DAP: variants seen among roughly 807,000 people sequenced by gnomAD.
DAP encodes death-associated protein 1.
A neutral mutation model predicts 13.8 loss-of-function variants in DAP; 8 were observed. The observed-to-expected ratio is 0.58, with a 90% confidence interval of 0.34 to 1.05. The LOEUF (loss-of-function observed/expected upper bound fraction) is 1.05, where lower values mean the gene tolerates loss of function less well. Ranked by LOEUF, DAP falls within the 50% of genes least tolerant of loss-of-function variation. DAP has a pLI of 0.03. For synonymous variants in DAP, 47 were observed against 47.5 expected (o/e 0.99, Z 0.04); for missense variants, 106 against 133.2 (o/e 0.80, Z 1.01).
In DAP at chr5:10,680,713, G is replaced by A. The variant is rs776310470; in HGVS notation, c.*343C>T. On this transcript the variant is annotated 3_prime_UTR_variant, in exon 4 of 4. Transcript: ENST00000230895. ...TAACCTTAATCTCATCTTCTCAAATGTGTGCCTTCTTGTTTTTAAGACCAT... is the reference window on the plus strand; with the variant it reads ...TAACCTTAATCTCATCTTCTCAAATATGTGCCTTCTTGTTTTTAAGACCAT... 9.0e-4 allele frequency: 1,374 copies of A among 1,532,870 alleles called. 2 individuals carry two copies. Among genetic ancestry groups the A allele is most frequent in the Non-Finnish European group, 1.1e-3 (1,270 of 1,144,306 alleles). 95.0% of individuals were successfully genotyped at this position (1,532,870 alleles called of 1,614,324 possible).
chr5:10,689,880 T>G (rs557802890), intron 2 of DAP, among the ~76,000 whole-genome samples: 2 of 152,132 alleles, frequency 1.3e-5, no homozygotes, highest in African/African-American at 2.4e-5. Context: ...GGACAGGGAA[T>G]GTCACTCAGT....
intron 2 of DAP, among the ~76,000 whole-genome samples, chr5:10,732,028 AC>A (rs1200782758): frequency 6.6e-6 from 1 of 152,086 alleles, no homozygotes; most frequent in Non-Finnish European, 1.5e-5. Flanking sequence ...TCTCTCCCCA[AC>A]CCTGAAGAGT....
chr5:10,689,268 C>T (rs892572089), intron 2 of DAP, among the ~76,000 whole-genome samples: 3 of 152,004 alleles, frequency 2.0e-5, no homozygotes, highest in African/African-American at 7.3e-5. Flanking sequence ...ACATTTAGCA[C>T]CTCACTCCCA....
chr5:10,722,603 TACATATATAC>T (rs1389701944), intron 2 of DAP, among the ~76,000 whole-genome samples: 21 of 149,048 alleles, frequency 1.4e-4, no homozygotes, highest in East Asian at 9.7e-4. Flanking sequence ...TACATATATA[TACATATATAC>T]ACATATATAC....
At chr5:10,711,914 G>A (rs1274227034) in intron 2 of DAP, among the ~76,000 whole-genome samples, 1 of 152,196 alleles carries the variant, frequency 6.6e-6, no homozygotes, top group Non-Finnish European at 1.5e-5. Context: ...GGAAGGACTT[G>A]AGGCAGGCAA....
At chr5:10,731,234 G>C (rs1335319313) in intron 2 of DAP, among the ~76,000 whole-genome samples, 2 of 148,016 alleles carry the variant, frequency 1.4e-5, no homozygotes, top group African/African-American at 5.0e-5. Flanking sequence ...CCCTAGTGGG[G>C]GGGAATCTTT....
At chr5:10,683,889 C>G (rs530977005) in intron 2 of DAP, among the ~76,000 whole-genome samples, 1 of 152,154 alleles carries the variant, frequency 6.6e-6, no homozygotes, top group Non-Finnish European at 1.5e-5. Context: ...TGCAGAGGCA[C>G]GATCATAGCT....
intron 2 of DAP, among the ~76,000 whole-genome samples, chr5:10,743,678 C>CA (rs1739825501): frequency 2.0e-5 from 3 of 152,188 alleles, no homozygotes; most frequent in Admixed American, 2.0e-4. Context: ...CTCTCCTTTA[C>CA]ATAATGAAAC....
rs1453291078 is a variant in DAP, at chr5:10,707,021, A to T, written c.153-23450T>A. 1.3e-5 allele frequency among the ~76,000 whole-genome samples: 2 copies of T among 152,206 alleles called. No individual in the cohort carries two copies. Among genetic ancestry groups the T allele is most frequent in the Non-Finnish European group, 2.9e-5 (2 of 68,038 alleles). On this transcript the variant is annotated intron_variant, in intron 2 of 3. Coordinates refer to ENST00000230895, the MANE Select transcript of DAP (RefSeq NM_004394.3). This position sits in a 1 kb window ranked among gnomAD's most constrained non-coding sequence, Gnocchi z 4.0. ...GGGAAGGATGGCAGGCTAAGTTCAAAACCCACATGGAGAAGTCAGAGGGGA... is the reference window on the plus strand; with the variant it reads ...GGGAAGGATGGCAGGCTAAGTTCAATACCCACATGGAGAAGTCAGAGGGGA...
At chr5:10,755,717 C>T (rs267935) in intron 1 of DAP, among the ~76,000 whole-genome samples, 73,673 of 152,070 alleles carry the variant, frequency 0.48, 19,604 homozygotes, top group Non-Finnish European at 0.6. Context: ...CAAAAGTGAA[C>T]ATTCTCTATA....
At chr5:10,759,004 T>C (rs1344556381) in intron 1 of DAP, among the ~76,000 whole-genome samples, 5 of 152,154 alleles carry the variant, frequency 3.3e-5, no homozygotes, top group Non-Finnish European at 7.3e-5. Context: ...CTGGCCAACA[T>C]GGCAAAATCC....
intron 2 of DAP, among the ~76,000 whole-genome samples, chr5:10,729,912 C>T (rs1434339080): frequency 6.6e-6 from 1 of 152,242 alleles, no homozygotes; most frequent in African/African-American, 2.4e-5. Context: ...CCTGCCTGCA[C>T]AGCTGTGTCC....
chr5:10,719,359 C>T (rs975418589), intron 2 of DAP, among the ~76,000 whole-genome samples: 5 of 152,194 alleles, frequency 3.3e-5, no homozygotes, highest in Non-Finnish European at 7.3e-5. Context: ...GGCCATATGA[C>T]CCAGCAGATC....
At chr5:10,706,941 G>A (rs1241428863) in intron 2 of DAP, among the ~76,000 whole-genome samples, 1 of 152,094 alleles carries the variant, frequency 6.6e-6, no homozygotes, top group African/African-American at 2.4e-5. Context: ...CCCTAATTAG[G>A]TAACCTGGTC....
At chr5:10,737,023 G>C (rs1456618942) in intron 2 of DAP, among the ~76,000 whole-genome samples, 1 of 152,216 alleles carries the variant, frequency 6.6e-6, no homozygotes, top group African/African-American at 2.4e-5. Context: ...CAAGTGGTGG[G>C]CCCTGTCTGC....
chr5:10,684,542 ACT>A (rs1480086839), intron 2 of DAP, among the ~76,000 whole-genome samples: 1 of 152,104 alleles, frequency 6.6e-6, no homozygotes, highest in African/African-American at 2.4e-5. Context: ...GGAAACACAC[ACT>A]GTTAACGTGG....
intron 2 of DAP, among the ~76,000 whole-genome samples, chr5:10,692,177 C>G (rs930784678): frequency 3.9e-5 from 6 of 152,148 alleles, no homozygotes; most frequent in African/African-American, 1.4e-4. Context: ...CTATTTAACT[C>G]AATATATTCA....
At chr5:10,726,894 C>A (rs1243233083) in intron 2 of DAP, among the ~76,000 whole-genome samples, 1 of 152,104 alleles carries the variant, frequency 6.6e-6, no homozygotes, top group East Asian at 1.9e-4. Flanking sequence ...ATGGTGAGGG[C>A]CAAGTGTCAC....
intron 1 of DAP, among the ~76,000 whole-genome samples, chr5:10,757,908 C>T (rs144801451): frequency 2.9e-4 from 44 of 152,142 alleles, no homozygotes; most frequent in South Asian, 2.1e-3. Context: ...AAGACCCAGC[C>T]CTGGAAGCAA....
Sources: allele counts gnomAD v4.1 joint callset (sites outside exome capture counted in the v4.1 genomes callset), GRCh38; gene constraint gnomAD v4.1.1; non-coding constraint Gnocchi (gnomAD v3.1); transcripts MANE v1.5; gene names NCBI Gene and HGNC (gene_info 2026-07-23, HGNC 2026-07-21).